The following USP54 variants were observed in gnomAD, a reference collection of about 807,000 sequenced individuals.
USP54 encodes the protein ubiquitin specific peptidase 54.
USP54 carries 87 observed loss-of-function variants against 170.5 expected under a neutral mutation model. The ratio of observed to expected loss-of-function variants is 0.51; its 90% CI spans 0.43 to 0.61. USP54 has a LOEUF of 0.61. Among genes scored for constraint, USP54 ranks in the 20% least tolerant of loss-of-function variants. The pLI is 0.00. For synonymous variants in USP54, 655 were observed against 742.8 expected (o/e 0.88, Z 1.92); for missense variants, 1,786 against 2,047.8 (o/e 0.87, Z 2.47).
At chr10:73,598,084 C>CA (rs776704426) in intron 1 of USP54, among the ~76,000 whole-genome samples, 7 of 151,460 alleles carry the variant, frequency 4.6e-5, no homozygotes, top group African/African-American at 1.2e-4. Flanking sequence ...GACTCCATCT[C>CA]AAAAAAAAGG....
intron 1 of USP54, among the ~76,000 whole-genome samples, chr10:73,600,367 T>A (rs1239584231): frequency 2.6e-5 from 4 of 152,174 alleles, no homozygotes; most frequent in South Asian, 2.1e-4. Context: ...ACATGGTAGA[T>A]CCTGTGGTGA....
At chr10:73,591,022 T>C (rs1476417283) in intron 1 of USP54, among the ~76,000 whole-genome samples, 3 of 149,842 alleles carry the variant, frequency 2.0e-5, no homozygotes, top group African/African-American at 7.4e-5. Flanking sequence ...TTGGAAAAAA[T>C]ATGAAATCTC....
chr10:73,583,605 T>C (rs906012419), intron 1 of USP54, among the ~76,000 whole-genome samples: 1 of 152,074 alleles, frequency 6.6e-6, no homozygotes, highest in Non-Finnish European at 1.5e-5. Flanking sequence ...TTTTTTTAAT[T>C]AGCCAGGCTA....
chr10:73,572,544 T>C (rs2075387887), intron 3 of USP54, among the ~76,000 whole-genome samples: 1 of 152,192 alleles, frequency 6.6e-6, no homozygotes, highest in Admixed American at 6.6e-5. Flanking sequence ...TGTCTCAAGA[T>C]ACACACTCTA....
At chr10:73,600,018 C>T (rs771968382) in intron 1 of USP54, among the ~76,000 whole-genome samples, 6 of 151,200 alleles carry the variant, frequency 4.0e-5, no homozygotes, top group East Asian at 3.9e-4. Context: ...TCTCCTGTCT[C>T]AACCTCCCGA....
chr10:73,531,708 C>G (rs2064000664), intron 12 of USP54, among the ~76,000 whole-genome samples: 1 of 152,192 alleles, frequency 6.6e-6, no homozygotes, highest in Non-Finnish European at 1.5e-5. Flanking sequence ...CCCAACCCAT[C>G]TTCACGAAAC....
chr10:73,541,847 C>T, intron 7 of USP54, 109 bp from the exon 8 acceptor site: 1 of 1,080,358 alleles, frequency 9.3e-7, no homozygotes, highest in Non-Finnish European at 1.4e-6. Context: ...CCTCTGCCCC[C>T]TATACCAAAG....
chr10:73,621,146 ACT>A (rs1199937106), intron 1 of USP54, among the ~76,000 whole-genome samples: 2 of 149,754 alleles, frequency 1.3e-5, no homozygotes, highest in East Asian at 3.9e-4. Context: ...ACAGAGCAAG[ACT>A]CTGTCTCAAA....
intron 1 of USP54, among the ~76,000 whole-genome samples, chr10:73,587,566 A>G (rs2077666001): frequency 6.6e-6 from 1 of 152,162 alleles, no homozygotes; most frequent in African/African-American, 2.4e-5. Context: ...AAAGGGTCCC[A>G]TTCCTAGAGA....
At chr10:73,616,330 C>T (rs536117782) in intron 1 of USP54, among the ~76,000 whole-genome samples, 1 of 92,424 alleles carries the variant, frequency 1.1e-5, no homozygotes, top group East Asian at 3.5e-4. Flanking sequence ...AGCAAGACTC[C>T]ATCTCAAAAA....
chr10:73,536,066 T>C, intron 11 of USP54: 1 of 633,638 alleles, frequency 1.6e-6, no homozygotes, highest in East Asian at 3.0e-5. Flanking sequence ...CCAAGTGATT[T>C]AGGCAACACT....
At chr10:73,598,638 A>AC (rs1481200274) in intron 1 of USP54, among the ~76,000 whole-genome samples, 1 of 151,938 alleles carries the variant, frequency 6.6e-6, no homozygotes, top group Non-Finnish European at 1.5e-5. Context: ...TTGGTCAGGC[A>AC]CAGCGGCTCA....
rs1266793354 is a variant in USP54, at chr10:73,552,845, G to C, written c.241-7173C>G. On this transcript the variant is annotated intron_variant, in intron 4 of 23. Transcript: ENST00000687698. ...ATATATCCTAGACTAATCTCTGTCA[G>C]TGTGATAAGTGCTAAATGTTAGGTA... Among the ~76,000 whole-genome samples, 5 of 152,268 alleles carry C rather than the reference G, an allele frequency of 3.3e-5. No homozygotes were observed. The East Asian group carries it at 9.7e-4, about 29-fold the overall frequency.
chr10:73,621,988 G>A (rs1406230106), intron 1 of USP54, among the ~76,000 whole-genome samples: 1 of 152,036 alleles, frequency 6.6e-6, no homozygotes, highest in African/African-American at 2.4e-5. Flanking sequence ...CTGGTGTCCT[G>A]GCCAGTTCCA....
At chr10:73,501,236 GA>G (rs2058049890) in intron 22 of USP54, among the ~76,000 whole-genome samples, 1 of 152,144 alleles carries the variant, frequency 6.6e-6, no homozygotes. Flanking sequence ...TAAGTACTGG[GA>G]ATGAAACTAT....
chr10:73,554,077 C>A (rs2070336643), intron 4 of USP54, among the ~76,000 whole-genome samples: 2 of 152,156 alleles, frequency 1.3e-5, no homozygotes, highest in African/African-American at 4.8e-5. Context: ...CTAAAACAGA[C>A]TCTTGTCTTT....
In USP54 at chr10:73,517,252, T is replaced by G. The variant is rs1396293854; in HGVS notation, c.3174A>C (p.Ser1058=). ...GDEHSLGCSP[S]NSSAQPSLPL... The stretch of plus-strand genomic sequence containing the variant: ...GAAGGCTGGGCTGAGCTGATGAATT[T>G]GAAGGACTACAGCCTAGGCTGTGTT... The change falls in exon 20 of 24, where the codon TCA becomes TCC. Residue 1058 remains serine (S), a synonymous_variant. Coordinates refer to ENST00000687698, the MANE Select transcript of USP54 (RefSeq NM_001391956.1). 6.2e-7 allele frequency: 1 copy of G among 1,614,158 alleles called. No homozygotes were observed. Among genetic ancestry groups the G allele is most frequent in the Non-Finnish European group, 8.5e-7 (1 of 1,179,986 alleles).
chr10:73,522,919 T>C (rs2062140709), intron 17 of USP54, among the ~76,000 whole-genome samples: 1 of 152,186 alleles, frequency 6.6e-6, no homozygotes, highest in Admixed American at 6.5e-5. Context: ...GTTTCCGAAT[T>C]ATAAAAACAA....
At chr10:73,608,488 C>T (rs2079860823) in intron 1 of USP54, among the ~76,000 whole-genome samples, 1 of 151,934 alleles carries the variant, frequency 6.6e-6, no homozygotes, top group Non-Finnish European at 1.5e-5. Context: ...ATTTAGAGTC[C>T]CTATAACATT....
Sources: allele counts gnomAD v4.1 joint callset (sites outside exome capture counted in the v4.1 genomes callset), GRCh38; gene constraint gnomAD v4.1.1; transcripts MANE v1.5; gene names NCBI Gene and HGNC (gene_info 2026-07-23, HGNC 2026-07-21).